Variants in ASXL3 observed in about 807,000 individuals in gnomAD.
ASXL3 encodes the protein ASXL transcriptional regulator 3.
ASXL3 carries 34 observed loss-of-function variants against 170.6 expected under a neutral mutation model. That is an observed-to-expected ratio of 0.20 (90% CI 0.15 to 0.27). The LOEUF is 0.27. Ranked by LOEUF, ASXL3 falls within the 10% of genes least tolerant of loss-of-function variation. The pLI, the probability that ASXL3 is intolerant of heterozygous loss-of-function variation, is 1.00. For synonymous variants in ASXL3, 1,002 were observed against 989.1 expected (o/e 1.01, Z -0.24); for missense variants, 2,592 against 2,695.3 (o/e 0.96, Z 0.85).
Position 33,738,788 on chromosome 18 carries a change from A to G in ASXL3, c.1384A>G (p.Ile462Val). ...AATTGCAGAAGAGGTAGAGACTAGTATCTGTGAATGCCAGGATGAAAATCA... is the reference window on the plus strand; with the variant it reads ...AATTGCAGAAGAGGTAGAGACTAGTGTCTGTGAATGCCAGGATGAAAATCA... ...EEIAEEVETSICECQDENHKT... is the reference protein window; with the variant it reads ...EEIAEEVETSVCECQDENHKT... Residue 462 changes from isoleucine to valine, a missense_variant, in exon 11 of 12, where the codon ATC becomes GTC. Transcript: ENST00000269197. 1 of 1,613,858 alleles carries G rather than the reference A, an allele frequency of 6.2e-7. No homozygotes were observed. The highest frequency in any genetic ancestry group is 1.1e-5 in the South Asian group (1 of 91,088).
intron 8 of ASXL3, among the ~76,000 whole-genome samples, chr18:33,710,120 G>C (rs546640051): frequency 1.3e-5 from 2 of 152,294 alleles, no homozygotes; most frequent in South Asian, 4.2e-4. Context: ...GTCAGGCGTG[G>C]TGGCACATGC....
intron 2 of ASXL3, among the ~76,000 whole-genome samples, chr18:33,637,978 C>G (rs1240525554): frequency 1.3e-5 from 2 of 152,012 alleles, no homozygotes; most frequent in African/African-American, 4.8e-5. Flanking sequence ...AAATTTATTT[C>G]AAGATTAGCT....
In ASXL3 at chr18:33,646,243, A is replaced by G. The variant is rs1300525072; in HGVS notation, c.247-2A>G. 6.2e-7 allele frequency: 1 copy of G among 1,609,204 alleles called. No individual in the cohort carries two copies. Among genetic ancestry groups the G allele is most frequent in the Non-Finnish European group, 8.5e-7 (1 of 1,176,760 alleles). On this transcript the variant is annotated splice_acceptor_variant, in intron 3 of 11. Coordinates refer to ENST00000269197, the MANE Select transcript of ASXL3 (RefSeq NM_030632.3). LOFTEE classifies it high-confidence loss of function. ...AAATCATCACTTTTCAAAATAATAC[A>G]GAAAGAGGAGTCGTCATGCCCAGCA...
chr18:33,734,137 A>AGCTTTAGCATTCGTC (rs1362809245), intron 9 of ASXL3, among the ~76,000 whole-genome samples, 173 bp from the exon 10 acceptor site: 1 of 52,050 alleles, frequency 1.9e-5, no homozygotes, highest in African/African-American at 9.9e-5. Context: ...TAGCATTTTT[A>AGCTTTAGCATTCGTC]TGAACATCTT....
chr18:33,676,212 G>T (rs2066427039), intron 7 of ASXL3, among the ~76,000 whole-genome samples: 1 of 42,484 alleles, frequency 2.4e-5, no homozygotes, highest in Non-Finnish European at 4.4e-5. Flanking sequence ...TGACGAGCGA[G>T]ACTCCGTCTC....
chr18:33,646,365 G>T lies in ASXL3; in HGVS notation c.355+12G>T. 6.4e-7 allele frequency: 1 copy of T among 1,574,040 alleles called. No individual in the cohort carries two copies. Among genetic ancestry groups the T allele is most frequent in the South Asian group, 1.1e-5 (1 of 88,858 alleles). ...AGAAGAAAATGGAGGTAAGTGTGAT[G>T]AATTCCAAAATATAATCCCTTGTTC... On this transcript the variant is annotated intron_variant, in intron 4 of 11. Transcript: ENST00000269197.
intron 8 of ASXL3, among the ~76,000 whole-genome samples, chr18:33,709,242 A>G (rs765263898): frequency 6.6e-6 from 1 of 151,834 alleles, no homozygotes; most frequent in Non-Finnish European, 1.5e-5. Context: ...ATTAAAGTTG[A>G]CCTAGCATTT....
At chr18:33,602,864 C>T (rs2065199243) in intron 1 of ASXL3, among the ~76,000 whole-genome samples, 1 of 150,776 alleles carries the variant, frequency 6.6e-6, no homozygotes, top group African/African-American at 2.4e-5. Context: ...GTATAAAAGT[C>T]ATCTGTAATT....
intron 11 of ASXL3, 47 bp downstream of exon 11, chr18:33,740,490 C>G: frequency 1.4e-6 from 2 of 1,449,228 alleles, no homozygotes; most frequent in Non-Finnish European, 1.8e-6. Flanking sequence ...TAGGCTTTTC[C>G]TATTTAGAAG....
chr18:33,706,105 C>A (rs1230152217), intron 8 of ASXL3, among the ~76,000 whole-genome samples: 1 of 75,818 alleles, frequency 1.3e-5, no homozygotes, highest in Admixed American at 1.4e-4. Context: ...TCTCTTGATG[C>A]ACTTTTTTTT....
intron 1 of ASXL3, among the ~76,000 whole-genome samples, chr18:33,600,384 A>AGAAAT (rs747410561): frequency 1.3e-5 from 2 of 152,174 alleles, no homozygotes; most frequent in Non-Finnish European, 2.9e-5. Flanking sequence ...ATTACTTGAT[A>AGAAAT]GAAATGAAAG....
At chr18:33,661,762 T>C (rs1383890178) in intron 5 of ASXL3, 25 bp downstream of exon 5, 3 of 1,608,036 alleles carry the variant, frequency 1.9e-6, no homozygotes, top group Non-Finnish European at 2.5e-6. Flanking sequence ...ATTTATTCTT[T>C]GTCCTTCAGT....
At chr18:33,622,804 C>T (rs901179222) in intron 2 of ASXL3, among the ~76,000 whole-genome samples, 2 of 152,142 alleles carry the variant, frequency 1.3e-5, no homozygotes, top group African/African-American at 4.8e-5. Flanking sequence ...TAGACATACA[C>T]TTGCACTGAG....
At chr18:33,633,558 T>A (rs2065714283) in intron 2 of ASXL3, among the ~76,000 whole-genome samples, 2 of 152,086 alleles carry the variant, frequency 1.3e-5, no homozygotes, top group South Asian at 4.1e-4. Context: ...TTGTAAAAAA[T>A]TCACGCATGG....
At chr18:33,582,818 G>A (rs1017386585) in intron 1 of ASXL3, among the ~76,000 whole-genome samples, 7 of 151,472 alleles carry the variant, frequency 4.6e-5, no homozygotes, top group Non-Finnish European at 8.8e-5. Context: ...AAGAAAACAG[G>A]CACATAACCT....
Position 33,739,435 on chromosome 18 carries a change from G to A in ASXL3, c.2031G>A (p.Met677Ile). The A allele has an allele frequency of 6.2e-7, 1 of 1,613,924 alleles. No individual in the cohort carries two copies. The highest frequency in any genetic ancestry group is 8.5e-7 in the Non-Finnish European group (1 of 1,179,870). The change falls in exon 11 of 12, where the codon ATG (methionine) becomes ATA (isoleucine). Residue 677 changes from methionine to isoleucine, a missense_variant. Met to Ile is a conservative substitution (Grantham distance 10, BLOSUM62 1). This residue lies in a region of ASXL3 where 2,246 missense variants were observed against 2,219.6 expected (regional missense o/e 1.01). Transcript: ENST00000269197. Reference protein sequence around the residue: ...STDENFHASLMSEISPISTSP... With the variant: ...STDENFHASLISEISPISTSP... ...ATGAAAACTTTCATGCATCTTTGATGTCAGAAATATCTCCAATATCCACTT... is the reference window on the plus strand; with the variant it reads ...ATGAAAACTTTCATGCATCTTTGATATCAGAAATATCTCCAATATCCACTT...
chr18:33,703,600 T>C (rs1037753891), intron 8 of ASXL3, among the ~76,000 whole-genome samples: 2 of 152,130 alleles, frequency 1.3e-5, no homozygotes, highest in Non-Finnish European at 2.9e-5. Context: ...TGCCTCTGCC[T>C]CTCCCATTGA....
At chr18:33,607,364 G>T (rs1234466369) in intron 1 of ASXL3, among the ~76,000 whole-genome samples, 3 of 151,722 alleles carry the variant, frequency 2.0e-5, no homozygotes, top group Non-Finnish European at 4.4e-5. Context: ...TGGTATGTAC[G>T]CCTTTGTGAC....
At chr18:33,623,671 G>A (rs1487169223) in intron 2 of ASXL3, among the ~76,000 whole-genome samples, 1 of 152,000 alleles carries the variant, frequency 6.6e-6, no homozygotes, top group African/African-American at 2.4e-5. Context: ...GCAGTATTTT[G>A]GCATACTGGT....
Sources: allele counts gnomAD v4.1 joint callset (sites outside exome capture counted in the v4.1 genomes callset), GRCh38; gene constraint gnomAD v4.1.1; regional missense constraint gnomAD v4.1.1; transcripts MANE v1.5; gene names NCBI Gene and HGNC (gene_info 2026-07-23, HGNC 2026-07-21).